The following ATP2B2 variants were observed in gnomAD, a reference collection of about 807,000 sequenced individuals.
ATP2B2 encodes ATPase plasma membrane Ca2+ transporting 2.
A neutral mutation model predicts 120.0 loss-of-function variants in ATP2B2; 15 were observed. The observed-to-expected ratio is 0.12, with a 90% confidence interval of 0.08 to 0.19. The LOEUF (loss-of-function observed/expected upper bound fraction) is 0.19, where lower values mean the gene tolerates loss of function less well. Ranked by LOEUF, ATP2B2 falls within the 10% of genes least tolerant of loss-of-function variation. The pLI, the probability that ATP2B2 is intolerant of heterozygous loss-of-function variation, is 1.00. For missense variants in ATP2B2, 1,045 were observed against 1,719.8 expected (o/e 0.61, Z 6.94); for synonymous variants, 694 against 700.3 (o/e 0.99, Z 0.14).
At chr3:10,552,166 C>T (rs567663201) in intron 2 of ATP2B2, among the ~76,000 whole-genome samples, 6 of 152,356 alleles carry the variant, frequency 3.9e-5, no homozygotes, top group South Asian at 4.1e-4. Context: ...GCCTCGGTGC[C>T]GGTTGGTGAC....
chr3:10,369,179 T>C (rs2061155796), intron 12 of ATP2B2, among the ~76,000 whole-genome samples: 1 of 152,186 alleles, frequency 6.6e-6, no homozygotes, highest in Non-Finnish European at 1.5e-5. Context: ...TGTCTCCTCT[T>C]GTATGGGTTC....
intron 2 of ATP2B2, among the ~76,000 whole-genome samples, chr3:10,448,296 G>T (rs1015210533): frequency 1.3e-4 from 20 of 152,242 alleles, no homozygotes; most frequent in African/African-American, 4.8e-4. Context: ...ACTAGGCATT[G>T]TCAGGTAGGC....
chr3:10,345,068 C>T (rs2060392091), intron 18 of ATP2B2, among the ~76,000 whole-genome samples: 1 of 152,230 alleles, frequency 6.6e-6, no homozygotes, highest in South Asian at 2.1e-4. Context: ...GCCAAGGGCC[C>T]TGCCTTCTCT....
At chr3:10,332,077 G>T (rs1167823312) in intron 22 of ATP2B2, 2 of 1,528,706 alleles carry the variant, frequency 1.3e-6, no homozygotes, top group African/African-American at 2.8e-5. Context: ...ACAGTGGAGA[G>T]GTCTAGGGTT....
chr3:10,424,339 T>C (rs1282357109), intron 2 of ATP2B2, among the ~76,000 whole-genome samples: 1 of 152,238 alleles, frequency 6.6e-6, no homozygotes, highest in African/African-American at 2.4e-5. Flanking sequence ...CACCCTATCA[T>C]GTTGTCTGCT....
chr3:10,620,090 G>A (rs1225767891), intron 1 of ATP2B2: 1 of 152,240 alleles, frequency 6.6e-6, no homozygotes, highest in East Asian at 1.9e-4. Flanking sequence ...TCCCAGTATA[G>A]AAACCAGAGG....
intron 1 of ATP2B2, among the ~76,000 whole-genome samples, chr3:10,702,132 A>T (rs1489818253): frequency 6.6e-6 from 1 of 152,170 alleles, no homozygotes; most frequent in African/African-American, 2.4e-5. Context: ...CAGCAGTGAG[A>T]GCAGCTTGGA....
At chr3:10,690,476 C>A (rs79328740) in intron 1 of ATP2B2, among the ~76,000 whole-genome samples, 48 of 150,450 alleles carry the variant, frequency 3.2e-4, no homozygotes, top group Admixed American at 1.1e-3. Context: ...ATCTATCTAT[C>A]TATATATCTC....
chr3:10,673,553 A>G (rs1336230295), intron 1 of ATP2B2, among the ~76,000 whole-genome samples: 1 of 152,004 alleles, frequency 6.6e-6, no homozygotes, highest in Non-Finnish European at 1.5e-5. Flanking sequence ...TAATCCCAGC[A>G]CTTTGGGAGG....
intron 5 of ATP2B2, among the ~76,000 whole-genome samples, chr3:10,395,117 T>C (rs1351415507): frequency 1.3e-5 from 2 of 152,236 alleles, no homozygotes; most frequent in East Asian, 1.9e-4. Flanking sequence ...TCCCCTGAAA[T>C]GTTGCAAGAT....
intron 1 of ATP2B2, among the ~76,000 whole-genome samples, chr3:10,648,058 A>G (rs2070365432): frequency 6.6e-6 from 1 of 152,180 alleles, no homozygotes; most frequent in Admixed American, 6.5e-5. Flanking sequence ...TGGAGATGGG[A>G]GCACTTGGGC....
At chr3:10,417,181 C>T (rs2062820582) in intron 2 of ATP2B2, among the ~76,000 whole-genome samples, 1 of 151,074 alleles carries the variant, frequency 6.6e-6, no homozygotes, top group African/African-American at 2.4e-5. Flanking sequence ...TCCTCACTTC[C>T]CAGAGGGGGC....
intron 1 of ATP2B2, among the ~76,000 whole-genome samples, chr3:10,457,866 G>A (rs1456205630): frequency 1.3e-5 from 2 of 152,164 alleles, no homozygotes; most frequent in Non-Finnish European, 2.9e-5. Flanking sequence ...GGTGGCAGAC[G>A]TAGGTCTAAG....
chr3:10,586,061 C>T (rs762768879), intron 2 of ATP2B2, among the ~76,000 whole-genome samples: 1 of 152,226 alleles, frequency 6.6e-6, no homozygotes, highest in Non-Finnish European at 1.5e-5. Flanking sequence ...TCCTATAGTG[C>T]TGTCCCCTTA....
intron 1 of ATP2B2, among the ~76,000 whole-genome samples, chr3:10,485,080 G>T (rs1575375827): frequency 6.6e-6 from 1 of 152,228 alleles, no homozygotes; most frequent in South Asian, 2.1e-4. Flanking sequence ...TCAGGAAGGG[G>T]TGTGAGAGGA....
At chr3:10,571,406 C>T (rs2068123242) in intron 2 of ATP2B2, among the ~76,000 whole-genome samples, 1 of 152,192 alleles carries the variant, frequency 6.6e-6, no homozygotes, top group African/African-American at 2.4e-5. Context: ...CACACAAGGC[C>T]AGGGGAGCCA....
chr3:10,389,520 T>C (rs1245019135), intron 5 of ATP2B2, among the ~76,000 whole-genome samples: 2 of 152,134 alleles, frequency 1.3e-5, no homozygotes, highest in African/African-American at 4.8e-5. Context: ...CCATAAATAC[T>C]ATATGATTCC....
intron 1 of ATP2B2, among the ~76,000 whole-genome samples, chr3:10,652,899 T>C (rs552564763): frequency 1.3e-5 from 2 of 152,292 alleles, no homozygotes; most frequent in South Asian, 4.1e-4. Context: ...GTCAAAGTCA[T>C]AGGGACAGAA....
chr3:10,671,454 C>T (rs980271673), intron 1 of ATP2B2, among the ~76,000 whole-genome samples: 1 of 152,270 alleles, frequency 6.6e-6, no homozygotes, highest in African/African-American at 2.4e-5. Flanking sequence ...TAGGTCTAGT[C>T]CTCGGCCCAG....
Sources: allele counts gnomAD v4.1 joint callset (sites outside exome capture counted in the v4.1 genomes callset), GRCh38; gene constraint gnomAD v4.1.1; transcripts MANE v1.5; gene names NCBI Gene and HGNC (gene_info 2026-07-23, HGNC 2026-07-21).